Variants in NBEA observed in about 807,000 individuals in gnomAD.
NBEA encodes lysosomal-trafficking regulator 2.
NBEA carries 44 observed loss-of-function variants against 343.4 expected under a neutral mutation model. That is an observed-to-expected ratio of 0.13 (90% confidence interval 0.10 to 0.16). The LOEUF (loss-of-function observed/expected upper bound fraction) is 0.16, where lower values mean the gene tolerates loss of function less well. Ranked by LOEUF, NBEA falls within the 10% of genes least tolerant of loss-of-function variation. The pLI, the probability that NBEA is intolerant of heterozygous loss-of-function variation, is 1.00. For synonymous variants in NBEA, 1,175 were observed against 1,238.7 expected (o/e 0.95, Z 1.08); for missense variants, 2,555 against 3,631.3 (o/e 0.70, Z 7.62).
intron 41 of NBEA, chr13:35,475,289 T>A (rs1330446081): frequency 6.2e-7 from 1 of 1,613,814 alleles, no homozygotes; most frequent in Non-Finnish European, 8.5e-7. Context: ...CGGGGATGCT[T>A]TTCACACTCG....
At chr13:34,972,884 G>A (rs1481349265) in intron 1 of NBEA, among the ~76,000 whole-genome samples, 1 of 152,194 alleles carries the variant, frequency 6.6e-6, no homozygotes, top group Non-Finnish European at 1.5e-5. Flanking sequence ...TGCTGCAGAA[G>A]TGATGTGATC....
intron 34 of NBEA, among the ~76,000 whole-genome samples, chr13:35,244,061 A>G (rs565542537): frequency 9.2e-5 from 14 of 152,040 alleles, no homozygotes; most frequent in African/African-American, 3.4e-4. Flanking sequence ...TAATACATTT[A>G]AAACTATTAA....
intron 44 of NBEA, among the ~76,000 whole-genome samples, chr13:35,557,870 T>C (rs9315357): frequency 0.89 from 135,124 of 152,074 alleles, 60,972 homozygotes; most frequent in East Asian, 1. Context: ...AAATTTCTGC[T>C]AGTTGTATAT....
chr13:35,574,992 G>T (rs951276626), intron 45 of NBEA, among the ~76,000 whole-genome samples: 1 of 151,986 alleles, frequency 6.6e-6, no homozygotes, highest in South Asian at 2.1e-4. Flanking sequence ...CACCCGCCTC[G>T]GCCTCTCAAA....
chr13:34,991,346 A>C (rs1432783648), intron 1 of NBEA, among the ~76,000 whole-genome samples: 2 of 152,228 alleles, frequency 1.3e-5, no homozygotes, highest in African/African-American at 4.8e-5. Context: ...TCAGTTCCAC[A>C]GACTGTACAG....
At chr13:35,241,389 A>G (rs2030242578) in intron 34 of NBEA, among the ~76,000 whole-genome samples, 1 of 151,882 alleles carries the variant, frequency 6.6e-6, no homozygotes, top group Non-Finnish European at 1.5e-5. Context: ...GACAAAACAA[A>G]GTGGATCTCT....
intron 45 of NBEA, among the ~76,000 whole-genome samples, chr13:35,580,972 T>G (rs1168465992): frequency 6.6e-6 from 1 of 152,192 alleles, no homozygotes; most frequent in Non-Finnish European, 1.5e-5. Context: ...GGAAGAGACA[T>G]GCTCCTTTTT....
chr13:35,325,310 A>T (rs1016412523), intron 36 of NBEA, among the ~76,000 whole-genome samples: 1 of 151,978 alleles, frequency 6.6e-6, no homozygotes, highest in Non-Finnish European at 1.5e-5. Context: ...TTAGTTTTTT[A>T]AAATTTTTAA....
chr13:35,649,012 A>G (rs1256327658), intron 51 of NBEA, among the ~76,000 whole-genome samples: 3 of 152,084 alleles, frequency 2.0e-5, no homozygotes, highest in Non-Finnish European at 4.4e-5. Context: ...GTATCCTGGA[A>G]CTTAAAATAA....
At chr13:35,482,278 A>G (rs1230560457) in intron 41 of NBEA, among the ~76,000 whole-genome samples, 1 of 151,628 alleles carries the variant, frequency 6.6e-6, no homozygotes. Flanking sequence ...TGGTTTACAG[A>G]AAAAGAAGGA....
At chr13:35,234,509 A>G (rs1452662112) in intron 34 of NBEA, among the ~76,000 whole-genome samples, 2 of 152,200 alleles carry the variant, frequency 1.3e-5, no homozygotes, top group Non-Finnish European at 2.9e-5. Flanking sequence ...ATAAAAACCA[A>G]TAATTAAAAT....
chr13:35,566,994 G>A lies in NBEA; in HGVS notation c.7012G>A (p.Gly2338Arg). ...ESEELDLTLP[G>R]NFRDLSKPIG... ...AGAAGAGTTGGACCTGACTCTTCCAGGAAACTTCAGGGATCTATCAAAGGT... is the reference window on the plus strand; with the variant it reads ...AGAAGAGTTGGACCTGACTCTTCCAAGAAACTTCAGGGATCTATCAAAGGT... The change falls in exon 45 of 59, where the codon GGA becomes AGA. Residue 2338 changes from glycine to arginine, a missense_variant. This residue lies in a region of NBEA where 156 missense variants were observed against 185.8 expected (regional missense o/e 0.84). Coordinates refer to ENST00000379939, the MANE Select transcript of NBEA (RefSeq NM_001385012.1). The A allele has an allele frequency of 6.2e-7, 1 of 1,607,726 alleles. No individual in the cohort carries two copies. Among genetic ancestry groups the A allele is most frequent in the Non-Finnish European group, 8.5e-7 (1 of 1,174,724 alleles).
chr13:35,139,079 G>C (rs1434269630), intron 17 of NBEA, among the ~76,000 whole-genome samples: 1 of 15,652 alleles, frequency 6.4e-5, no homozygotes. Flanking sequence ...TTTTTTTTTT[G>C]AGACAGAGCC....
intron 41 of NBEA, among the ~76,000 whole-genome samples, chr13:35,504,238 A>G (rs963192799): frequency 6.6e-6 from 1 of 152,328 alleles, no homozygotes; most frequent in African/African-American, 2.4e-5. Context: ...CAAAACAACC[A>G]AAAACACTGC....
At chr13:35,199,027 G>A (rs974886255) in intron 31 of NBEA, among the ~76,000 whole-genome samples, 13 of 152,164 alleles carry the variant, frequency 8.5e-5, no homozygotes, top group African/African-American at 3.1e-4. Context: ...AGCAAAATGA[G>A]CTGCCAGCCA....
rs141804412 is a variant in NBEA, at chr13:35,372,521, CAGGG to C, written c.6179+20203_6179+20206del. On this transcript the variant is annotated intron_variant, in intron 38 of 58. Coordinates refer to ENST00000379939, the MANE Select transcript of NBEA (RefSeq NM_001385012.1). ...ACATGCATATGCTGGCTGAGGTAGA[CAGGG>C]AGGGGTTTTTCCGCAGCCCCCCAGT... Among the ~76,000 whole-genome samples, 6 of 152,242 alleles carry C rather than the reference CAGGG, an allele frequency of 3.9e-5. No homozygotes were observed. The East Asian group carries it at 9.7e-4, about 25-fold the overall frequency.
intron 10 of NBEA, among the ~76,000 whole-genome samples, chr13:35,090,122 T>C (rs1272753415): frequency 1.3e-5 from 2 of 151,726 alleles, no homozygotes; most frequent in Non-Finnish European, 1.5e-5. Flanking sequence ...GTGTAGGTTA[T>C]ATGATATCAA....
At chr13:35,265,120 A>C (rs193277883) in intron 34 of NBEA, among the ~76,000 whole-genome samples, 13 of 152,016 alleles carry the variant, frequency 8.6e-5, no homozygotes, top group South Asian at 8.3e-4. Context: ...AAATCAAGAA[A>C]TCAATAATAT....
chr13:35,393,182 G>A (rs1458251779), intron 38 of NBEA, among the ~76,000 whole-genome samples: 15 of 151,936 alleles, frequency 9.9e-5, no homozygotes, highest in Admixed American at 7.9e-4. Flanking sequence ...ATTTTTCCCC[G>A]TACAACACCT....
Sources: allele counts gnomAD v4.1 joint callset (sites outside exome capture counted in the v4.1 genomes callset), GRCh38; gene constraint gnomAD v4.1.1; regional missense constraint gnomAD v4.1.1; transcripts MANE v1.5; gene names NCBI Gene and HGNC (gene_info 2026-07-23, HGNC 2026-07-21).